The following RAD54L variants were observed in gnomAD, a reference collection of about 807,000 sequenced individuals.
RAD54L encodes the protein RAD54 like, also known as DNA repair and recombination protein RAD54-like.
Under a neutral mutation model 91.6 loss-of-function variants are expected in RAD54L, and 74 were observed. That is an observed-to-expected ratio of 0.81 (90% CI 0.67 to 0.98). RAD54L has a LOEUF of 0.98. RAD54L is among the 50% of genes least tolerant of loss of function. The pLI is 0.00. For missense variants in RAD54L, 887 were observed against 945.7 expected (o/e 0.94, Z 0.81); for synonymous variants, 304 against 349.7 (o/e 0.87, Z 1.46).
chr1:46,267,431 T>G (rs750056697), intron 8 of RAD54L, 28 bp from the exon 9 acceptor site: 1 of 1,613,316 alleles, frequency 6.2e-7, no homozygotes, highest in Admixed American at 1.7e-5. Context: ...AATGCCACAT[T>G]GCGCTCTGAA....
chr1:46,253,385 G>C (rs942630728), intron 3 of RAD54L, among the ~76,000 whole-genome samples: 1 of 152,192 alleles, frequency 6.6e-6, no homozygotes, highest in Non-Finnish European at 1.5e-5. Flanking sequence ...AGGCCTAGGC[G>C]GGCGGATCAC....
chr1:46,256,098 T>G (rs907733676), intron 3 of RAD54L, among the ~76,000 whole-genome samples: 17 of 151,740 alleles, frequency 1.1e-4, no homozygotes, highest in Admixed American at 7.9e-4. Context: ...TTTTTTCCTT[T>G]GAGGCAGGTC....
At chr1:46,261,090 G>C in intron 7 of RAD54L, 75 bp downstream of exon 7, 3 of 1,573,068 alleles carry the variant, frequency 1.9e-6, no homozygotes, top group Non-Finnish European at 2.6e-6. Context: ...CTCATTTATG[G>C]CCAGGGTGGA....
chr1:46,273,379 G>A lies in RAD54L; in HGVS notation c.1400G>A (p.Cys467Tyr). Reference sequence around the variant, plus strand: ...GATCCAGCTCTAATCTATGATAAGTGTGTGGAAGAGGAGGATGGCTTTGTG... The same window carrying A: ...GATCCAGCTCTAATCTATGATAAGTATGTGGAAGAGGAGGATGGCTTTGTG... ...CNHPALIYDK[C>Y]VEEEDGFVGA... The change falls in exon 13 of 18, where the codon TGT becomes TAT. Residue 467 changes from cysteine (C) to tyrosine (Y), a missense_variant. Physicochemically the swap from Cys to Tyr is radical, Grantham distance 194. Transcript: ENST00000371975. 1 of 1,613,518 alleles carries A rather than the reference G, an allele frequency of 6.2e-7. No homozygotes were observed. The highest frequency in any genetic ancestry group is 1.7e-5 in the Admixed American group (1 of 60,024).
chr1:46,261,243 A>C lies in RAD54L; in HGVS notation c.767-18A>C, dbSNP rs1263013648. On this transcript the variant is annotated intron_variant, in intron 7 of 17. Coordinates refer to ENST00000371975, the MANE Select transcript of RAD54L (RefSeq NM_003579.4). ...CAAAAGATTCTGAATTGTTCCCTTT[A>C]CACCTTTTCTGTTGTAGAAGGATTC... 7 of 1,592,498 alleles carry C rather than the reference A, an allele frequency of 4.4e-6. No individual in the cohort carries two copies. The South Asian group carries it at 7.8e-5, about 18-fold the overall frequency.
At chr1:46,273,316 G>C (rs748446749) in intron 12 of RAD54L, 39 bp from the exon 13 acceptor site, 25 of 1,548,170 alleles carry the variant, frequency 1.6e-5, no homozygotes, top group Non-Finnish European at 2.2e-5. Flanking sequence ...GGAAACTTCA[G>C]AAAGCAAAGT....
chr1:46,254,046 C>T (rs929542235), intron 3 of RAD54L, among the ~76,000 whole-genome samples: 4 of 151,834 alleles, frequency 2.6e-5, no homozygotes, highest in East Asian at 3.9e-4. Flanking sequence ...GTGATCTTGG[C>T]GCACTGCAAC....
At position 46,265,964 on chromosome 1, in the gene RAD54L, T is replaced by A. The variant is rs184190034; in HGVS notation, c.892-1495T>A. 3.5e-3 allele frequency among the ~76,000 whole-genome samples: 532 copies of A among 152,246 alleles called. 1 individual carries two copies. Among genetic ancestry groups the A allele is most frequent in the Non-Finnish European group, 4.6e-3 (315 of 68,018 alleles). Reference sequence around the variant, plus strand: ...TACAGAACAGAATACAGGTAAAGTGTTTAGTTAGTACCATGCCTACCACAT... The same window carrying A: ...TACAGAACAGAATACAGGTAAAGTGATTAGTTAGTACCATGCCTACCACAT... On this transcript the variant is annotated intron_variant, in intron 8 of 17. Coordinates refer to ENST00000371975, the MANE Select transcript of RAD54L (RefSeq NM_003579.4). The surrounding 1 kb of genome is among the most constrained non-coding windows in gnomAD (Gnocchi z 4.8).
Position 46,273,692 on chromosome 1 carries a change from G to GT in RAD54L, c.1556dup (p.Ser520ValfsTer11), listed in dbSNP as rs1557707984. Reference sequence around the variant, plus strand: ...CCGTAGCAGTGACAAAGTAGTGCTGGTGTCGAATTACACCCAGACTTTGGA... The same window carrying GT: ...CCGTAGCAGTGACAAAGTAGTGCTGGTTGTCGAATTACACCCAGACTTTGGA... On this transcript the variant is annotated frameshift_variant, in exon 14 of 18. Transcript: ENST00000371975. LOFTEE classifies it high-confidence loss of function. 1.9e-6 allele frequency: 3 copies of GT among 1,613,738 alleles called. No homozygotes were observed. The highest frequency in any genetic ancestry group is 2.5e-6 in the Non-Finnish European group (3 of 1,179,890).
rs374496344 is a variant in RAD54L, at chr1:46,248,382, A to C, written c.-24A>C. 1.9e-6 allele frequency: 3 copies of C among 1,613,294 alleles called. No individual in the cohort carries two copies. The highest frequency in any genetic ancestry group is 1.1e-5 in the South Asian group (1 of 91,004). ...TTGACCTTTGGCTCATGGGTACTTG[A>C]CGTTTTAAACTCCTAGGCCCAGGAT... On this transcript the variant is annotated 5_prime_UTR_variant, in exon 1 of 18. It removes the in-frame stop codon of an upstream open reading frame in the 5' UTR. Transcript: ENST00000371975.
intron 16 of RAD54L, 85 bp from the exon 17 acceptor site, chr1:46,277,732 T>G: frequency 1.4e-6 from 2 of 1,466,000 alleles, no homozygotes; most frequent in South Asian, 2.3e-5. Flanking sequence ...TAGCTGTAGT[T>G]TCAACCCTTT....
intron 3 of RAD54L, among the ~76,000 whole-genome samples, chr1:46,255,844 G>A (rs1248800071): frequency 3.3e-5 from 5 of 151,948 alleles, no homozygotes; most frequent in Admixed American, 6.6e-5. Context: ...TTTGGCCAGG[G>A]GTCTCCACAT....
intron 3 of RAD54L, among the ~76,000 whole-genome samples, chr1:46,256,774 A>G (rs1292216647): frequency 6.6e-6 from 1 of 152,176 alleles, no homozygotes; most frequent in African/African-American, 2.4e-5. Flanking sequence ...TTAGTGTGAT[A>G]AGGAAGTTCA....
intron 3 of RAD54L, among the ~76,000 whole-genome samples, chr1:46,257,656 G>T (rs1204804377): frequency 6.6e-6 from 1 of 152,144 alleles, no homozygotes; most frequent in Non-Finnish European, 1.5e-5. Flanking sequence ...TGTCACCCTT[G>T]TCCCACTTGC....
At position 46,260,860 on chromosome 1, in the gene RAD54L, G is replaced by A; in HGVS notation, c.611G>A (p.Ser204Asn). The change falls in exon 7 of 18, where the codon AGT becomes AAT. Residue 204 changes from serine (S) to asparagine (N), a missense_variant. Ser to Asn is a conservative substitution (Grantham distance 46). Coordinates refer to ENST00000371975, the MANE Select transcript of RAD54L (RefSeq NM_003579.4). ...TTGATGTGGACACTTTTACGCCAGA[G>A]TCCAGAGTGCAAGCCAGAAATTGAC... ...ITLMWTLLRQ[S>N]PECKPEIDKA... 6.2e-7 allele frequency: 1 copy of A among 1,614,242 alleles called. No individual in the cohort carries two copies. The highest frequency in any genetic ancestry group is 8.5e-7 in the Non-Finnish European group (1 of 1,180,042).
chr1:46,273,453 C>T lies in RAD54L; in HGVS notation c.1474C>T (p.Pro492Ser). Residue 492 changes from proline (P) to serine (S), a missense_variant, in exon 13 of 18, where the codon CCC becomes TCC. By Grantham distance (74) the Pro-to-Ser change is moderately conservative. Coordinates refer to ENST00000371975, the MANE Select transcript of RAD54L (RefSeq NM_003579.4). ...TGGTTACAGCTCTAAGGCCCTGGAG[C>T]CCCAGCTGTCAGGTGACCCTTTTCC... is the stretch of plus-strand genomic sequence containing the variant. The part of the protein sequence containing the change: ...PPGYSSKALE[P>S]QLSGKMLVLD... 1.2e-6 allele frequency: 2 copies of T among 1,613,412 alleles called. No individual in the cohort carries two copies. Among genetic ancestry groups the T allele is most frequent in the Non-Finnish European group, 8.5e-7 (1 of 1,179,494 alleles).
intron 4 of RAD54L, among the ~76,000 whole-genome samples, chr1:46,259,754 C>T (rs1660044622): frequency 7.0e-6 from 1 of 142,558 alleles, no homozygotes; most frequent in African/African-American, 2.6e-5. Context: ...CCAGCCTGGG[C>T]AACAAAGTGA....
intron 3 of RAD54L, 145 bp downstream of exon 3, chr1:46,250,264 G>A: frequency 8.9e-7 from 1 of 1,118,310 alleles, no homozygotes; most frequent in Non-Finnish European, 1.3e-6. Context: ...GCCCACAGCT[G>A]CTGGGGCCTG....
intron 14 of RAD54L, 152 bp downstream of exon 14, chr1:46,273,899 A>G (rs1660514131): frequency 6.5e-6 from 8 of 1,239,298 alleles, no homozygotes; most frequent in South Asian, 2.6e-5. Flanking sequence ...CCTCAGCTCT[A>G]TCTCCAAGTA....
Sources: allele counts gnomAD v4.1 joint callset (sites outside exome capture counted in the v4.1 genomes callset), GRCh38; gene constraint gnomAD v4.1.1; non-coding constraint Gnocchi (gnomAD v3.1); transcripts MANE v1.5; gene names NCBI Gene and HGNC (gene_info 2026-07-23, HGNC 2026-07-21).